FAM133B: variants seen among roughly 807,000 people sequenced by gnomAD.
The protein encoded by FAM133B is family with sequence similarity 133 member B, also known as protein FAM133B.
A neutral mutation model predicts 46.4 loss-of-function variants in FAM133B; 25 were observed. That is an observed-to-expected ratio of 0.54 (90% CI 0.39 to 0.75). The LOEUF is 0.75. Among genes scored for constraint, FAM133B ranks in the 30% least tolerant of loss-of-function variants. FAM133B has a pLI of 0.00. For synonymous variants in FAM133B, 75 were observed against 86.0 expected (o/e 0.87, Z 0.71); for missense variants, 205 against 277.6 (o/e 0.74, Z 1.86).
At chr7:92,573,882 T>A (rs1037974145) in intron 8 of FAM133B, among the ~76,000 whole-genome samples, 1 of 151,780 alleles carries the variant, frequency 6.6e-6, no homozygotes, top group Non-Finnish European at 1.5e-5. Context: ...TAAATTTTAT[T>A]TTTTTTTAAA....
At chr7:92,590,081 G>C in intron 1 of FAM133B, 187 bp downstream of exon 1, 1 of 724,444 alleles carries the variant, frequency 1.4e-6, no homozygotes, top group Non-Finnish European at 2.3e-6. Context: ...AGAGAGCTGG[G>C]AACCCTAAAG....
intron 1 of FAM133B, 103 bp downstream of exon 1, chr7:92,590,165 G>T (rs1033185873): frequency 8.8e-6 from 14 of 1,581,990 alleles, no homozygotes; most frequent in African/African-American, 1.3e-5. Context: ...CCACGTCTGA[G>T]GGCTGCCGCT....
chr7:92,575,878 C>G, intron 7 of FAM133B, 57 bp from the exon 8 acceptor site: 1 of 816,012 alleles, frequency 1.2e-6, no homozygotes. Context: ...CATTACAGAA[C>G]AAGGACAAAA....
chr7:92,578,068 C>A, intron 5 of FAM133B, 82 bp downstream of exon 5: 1 of 1,211,720 alleles, frequency 8.3e-7, no homozygotes, highest in Non-Finnish European at 1.2e-6. Context: ...CTACCTTTAG[C>A]ATACAGGTTA....
At chr7:92,590,225 C>T (rs371107714) in intron 1 of FAM133B, 43 bp downstream of exon 1, 30 of 1,613,470 alleles carry the variant, frequency 1.9e-5, no homozygotes, top group Non-Finnish European at 2.5e-5. Context: ...GTCCTGCCGC[C>T]GGGCCCTGCG....
At chr7:92,579,461 GAC>G in intron 2 of FAM133B, 66 bp from the exon 3 acceptor site, 1 of 1,146,436 alleles carries the variant, frequency 8.7e-7, no homozygotes, top group African/African-American at 1.6e-5. Flanking sequence ...TTACAAATAA[GAC>G]AACAAAATTT....
chr7:92,564,729 T>G (rs1370016042), intron 10 of FAM133B, among the ~76,000 whole-genome samples: 2 of 152,158 alleles, frequency 1.3e-5, no homozygotes, highest in Non-Finnish European at 2.9e-5. Context: ...GAAAATGCCT[T>G]CAAAGGTCAT....
intron 1 of FAM133B, 57 bp from the exon 2 acceptor site, chr7:92,581,660 C>A (rs1794875983): frequency 7.5e-7 from 1 of 1,340,718 alleles, no homozygotes; most frequent in Admixed American, 1.7e-5. Context: ...TGCAAAACCT[C>A]ACTTACTCAT....
intron 1 of FAM133B, among the ~76,000 whole-genome samples, chr7:92,586,272 C>T (rs1166966145): frequency 6.6e-6 from 1 of 151,380 alleles, no homozygotes; most frequent in African/African-American, 2.5e-5. Flanking sequence ...ATTATAATAG[C>T]AATATTTTTT....
chr7:92,577,881 CA>C (rs1562894680), intron 5 of FAM133B, 164 bp from the exon 6 acceptor site: 6 of 683,200 alleles, frequency 8.8e-6, no homozygotes, highest in Non-Finnish European at 1.5e-5. Context: ...GTTCCCTGTA[CA>C]AAAGCTCAAC....
chr7:92,565,578 C>T (rs971565004), intron 10 of FAM133B: 2 of 161,886 alleles, frequency 1.2e-5, no homozygotes, highest in African/African-American at 4.8e-5. Context: ...ATTCTCCTGC[C>T]TCAGCCTCCC....
intron 1 of FAM133B, among the ~76,000 whole-genome samples, chr7:92,587,878 A>G (rs1795081940): frequency 6.6e-6 from 1 of 152,144 alleles, no homozygotes; most frequent in Non-Finnish European, 1.5e-5. Flanking sequence ...CTGGTGAAGG[A>G]TGTTCATAAT....
Position 92,579,353 on chromosome 7 carries a change from G to A in FAM133B, c.165C>T (p.Ser55=), listed in dbSNP as rs371915042. 1.7e-5 allele frequency: 28 copies of A among 1,609,474 alleles called. No individual in the cohort carries two copies. Among genetic ancestry groups the A allele is most frequent in the Non-Finnish European group, 2.2e-5 (26 of 1,178,806 alleles). Residue 55 remains serine (S), a synonymous_variant, in exon 3 of 11, where the codon TCC becomes TCT. Coordinates refer to ENST00000445716, the MANE Select transcript of FAM133B (RefSeq NM_152789.4). ...KEQLEKKKKG[S]KALAEFEEKM... Reference sequence around the variant, plus strand: ...TTTCTTCAAATTCAGCCAAAGCCTTGGAGCCTTTCTTTTTCTTTTCTAGTT... The same window carrying A: ...TTTCTTCAAATTCAGCCAAAGCCTTAGAGCCTTTCTTTTTCTTTTCTAGTT...
chr7:92,562,526 T>C (rs1343444366), intron 10 of FAM133B, among the ~76,000 whole-genome samples, 158 bp from the exon 11 acceptor site: 1 of 152,170 alleles, frequency 6.6e-6, no homozygotes, highest in Non-Finnish European at 1.5e-5. Flanking sequence ...ACCAGTATCA[T>C]ATGAGGACTA....
At chr7:92,585,944 T>C (rs182363370) in intron 1 of FAM133B, among the ~76,000 whole-genome samples, 1 of 152,254 alleles carries the variant, frequency 6.6e-6, no homozygotes, top group East Asian at 1.9e-4. Context: ...GATAATGCAG[T>C]GGCAATTTTT....
chr7:92,590,066 G>T, intron 1 of FAM133B: 2 of 654,680 alleles, frequency 3.1e-6, no homozygotes, highest in Non-Finnish European at 5.2e-6. Flanking sequence ...AAAGGGGCGG[G>T]CAAGAGAGAG....
chr7:92,589,128 A>C (rs1440746407), intron 1 of FAM133B, among the ~76,000 whole-genome samples: 1 of 152,258 alleles, frequency 6.6e-6, no homozygotes, highest in Non-Finnish European at 1.5e-5. Context: ...GAGTTCAAGA[A>C]ACGTAGCACA....
chr7:92,589,522 G>A (rs1192748288), intron 1 of FAM133B, among the ~76,000 whole-genome samples: 1 of 152,142 alleles, frequency 6.6e-6, no homozygotes, highest in Admixed American at 6.5e-5. Context: ...AATCTGTAAG[G>A]TTGTAGATAA....
At chr7:92,566,604 T>C (rs1327122088) in intron 9 of FAM133B, among the ~76,000 whole-genome samples, 1 of 152,198 alleles carries the variant, frequency 6.6e-6, no homozygotes, top group Non-Finnish European at 1.5e-5. Flanking sequence ...TTTGCACCAC[T>C]GCACTCCAGC....
Sources: gnomAD v4.1 joint callset for allele counts (sites outside exome capture counted in the v4.1 genomes callset) on GRCh38, gnomAD v4.1.1 for gene constraint, MANE v1.5 for transcripts, NCBI Gene and HGNC (gene_info 2026-07-23, HGNC 2026-07-21) for gene names.